Variants in GALNT1 observed in about 807,000 individuals in gnomAD.
GALNT1 encodes GalNAc transferase 1.
Under a neutral mutation model 65.7 loss-of-function variants are expected in GALNT1, and 17 were observed. That is an observed-to-expected ratio of 0.26 (90% CI 0.18 to 0.39). The LOEUF is 0.39. Among genes scored for constraint, GALNT1 ranks in the 10% least tolerant of loss-of-function variants. The probability of loss-of-function intolerance (pLI) is 1.00; values close to 1 mark genes in which losing one functional copy is unlikely to be tolerated. For missense variants in GALNT1, 460 were observed against 672.8 expected (o/e 0.68, Z 3.50); for synonymous variants, 210 against 219.7 (o/e 0.96, Z 0.39).
At chr18:35,670,133 A>C (rs2047612188) in intron 3 of GALNT1, among the ~76,000 whole-genome samples, 1 of 152,070 alleles carries the variant, frequency 6.6e-6, no homozygotes, top group Non-Finnish European at 1.5e-5. Flanking sequence ...TCTACAAAAA[A>C]ATTAAATAAC....
intron 1 of GALNT1, among the ~76,000 whole-genome samples, chr18:35,631,325 G>A (rs1458050065): frequency 2.0e-5 from 3 of 151,972 alleles, no homozygotes; most frequent in Non-Finnish European, 4.4e-5. Context: ...CTGGCAAACC[G>A]AATCCAGCAG....
chr18:35,626,395 A>G (rs1442680467), intron 1 of GALNT1, among the ~76,000 whole-genome samples: 1 of 152,218 alleles, frequency 6.6e-6, no homozygotes, highest in Non-Finnish European at 1.5e-5. Context: ...CAGGTCATAT[A>G]CTAGGTTCTA....
chr18:35,706,267 T>C (rs971420916), intron 11 of GALNT1, among the ~76,000 whole-genome samples: 5 of 152,022 alleles, frequency 3.3e-5, no homozygotes, highest in Non-Finnish European at 7.4e-5. Flanking sequence ...TCCCAGCACT[T>C]TGGGAGGCCG....
chr18:35,587,360 T>C (rs2046389569), intron 1 of GALNT1, among the ~76,000 whole-genome samples: 1 of 152,236 alleles, frequency 6.6e-6, no homozygotes, highest in African/African-American at 2.4e-5. Context: ...TCTTGCCATG[T>C]TGCACTGGCT....
intron 1 of GALNT1, chr18:35,597,150 A>T (rs1449786929): frequency 6.6e-6 from 1 of 152,194 alleles, no homozygotes; most frequent in Non-Finnish European, 1.5e-5. Context: ...CTGTTCTTTC[A>T]TCCTTGAATG....
intron 1 of GALNT1, among the ~76,000 whole-genome samples, chr18:35,644,097 C>T (rs965034193): frequency 1.6e-4 from 25 of 152,166 alleles, no homozygotes; most frequent in African/African-American, 4.6e-4. Context: ...AGTTTATTTA[C>T]ATCATGACTA....
intron 1 of GALNT1, among the ~76,000 whole-genome samples, chr18:35,653,265 A>G (rs542206553): frequency 6.6e-6 from 1 of 152,244 alleles, no homozygotes; most frequent in Admixed American, 6.5e-5. Flanking sequence ...AGAGATGAGC[A>G]TAAATAATAA....
chr18:35,659,697 T>G (rs2047448521), intron 2 of GALNT1, among the ~76,000 whole-genome samples: 1 of 152,196 alleles, frequency 6.6e-6, no homozygotes, highest in Admixed American at 6.5e-5. Flanking sequence ...TAACTTTTCA[T>G]GTACTTATGC....
At chr18:35,600,999 A>G (rs1454064035) in intron 1 of GALNT1, among the ~76,000 whole-genome samples, 4 of 151,998 alleles carry the variant, frequency 2.6e-5, no homozygotes, top group African/African-American at 9.7e-5. Context: ...CTTTTTTGGA[A>G]TAATTTGAGT....
intron 2 of GALNT1, among the ~76,000 whole-genome samples, chr18:35,662,516 T>G (rs2047491856): frequency 6.6e-6 from 1 of 152,162 alleles, no homozygotes; most frequent in South Asian, 2.1e-4. Context: ...GCTGAAACAA[T>G]CACCCTAAAG....
At position 35,683,561 on chromosome 18, in the gene GALNT1, T is replaced by C; in HGVS notation, c.652T>C (p.Trp218Arg). Residue 218 changes from tryptophan to arginine, a missense_variant, in exon 5 of 12, where the codon TGG becomes CGG. By Grantham distance (101) the Trp-to-Arg change is moderately radical. Transcript: ENST00000269195. ...LDAHCECTVGWLEPLLARIKH... is the reference protein window; with the variant it reads ...LDAHCECTVGRLEPLLARIKH... Reference sequence around the variant, plus strand: ...TGCCCATTGTGAGTGTACAGTGGGATGGCTGGAGCCTCTCTTGGCCAGGAT... The same window carrying C: ...TGCCCATTGTGAGTGTACAGTGGGACGGCTGGAGCCTCTCTTGGCCAGGAT... 1 of 1,613,768 alleles carries C rather than the reference T, an allele frequency of 6.2e-7. No homozygotes were observed. Among genetic ancestry groups the C allele is most frequent in the Non-Finnish European group, 8.5e-7 (1 of 1,179,752 alleles).
intron 3 of GALNT1, chr18:35,664,632 T>A (rs778579755): frequency 6.6e-6 from 1 of 152,244 alleles, no homozygotes; most frequent in Non-Finnish European, 1.5e-5. Context: ...TTTCCCAAAA[T>A]GTTTATACCA....
intron 3 of GALNT1, among the ~76,000 whole-genome samples, chr18:35,674,524 T>A (rs1481437570): frequency 1.3e-5 from 2 of 152,186 alleles, no homozygotes; most frequent in African/African-American, 2.4e-5. Flanking sequence ...GCATTGTCCC[T>A]GCAGCACCTT....
intron 3 of GALNT1, among the ~76,000 whole-genome samples, chr18:35,667,680 T>C (rs1210211048): frequency 6.6e-6 from 1 of 152,112 alleles, no homozygotes; most frequent in Non-Finnish European, 1.5e-5. Flanking sequence ...TTCCTTACAG[T>C]TTATTATTTG....
chr18:35,670,866 G>A (rs1357503877), intron 3 of GALNT1, among the ~76,000 whole-genome samples: 1 of 152,178 alleles, frequency 6.6e-6, no homozygotes, highest in Non-Finnish European at 1.5e-5. Context: ...GGAGAAGGAT[G>A]ATCTTCTAAA....
In GALNT1 at chr18:35,677,772, T is replaced by G. The variant is rs374980206; in HGVS notation, c.481+15T>G. On this transcript the variant is annotated intron_variant, in intron 4 of 11. Coordinates refer to ENST00000269195, the MANE Select transcript of GALNT1 (RefSeq NM_020474.4). ...CAGTGAAAGAGGTAAATTTTAAATT[T>G]TAATGCCAATAATTTGCTACACCTT... 1 of 1,576,516 alleles carries G rather than the reference T, an allele frequency of 6.3e-7. No homozygotes were observed. The highest frequency in any genetic ancestry group is 8.7e-7 in the Non-Finnish European group (1 of 1,154,314).
chr18:35,707,333 G>A (rs2048279688), intron 11 of GALNT1, among the ~76,000 whole-genome samples: 1 of 152,180 alleles, frequency 6.6e-6, no homozygotes, highest in Non-Finnish European at 1.5e-5. Context: ...GTTACGGTTA[G>A]ATGCTTGTCA....
At chr18:35,686,976 A>C (rs2047878289) in intron 5 of GALNT1, 40 bp from the exon 6 acceptor site, 1 of 1,574,078 alleles carries the variant, frequency 6.4e-7, no homozygotes, top group African/African-American at 1.4e-5. Context: ...TTAAACAGGA[A>C]TGTTTTGAAA....
At chr18:35,595,127 C>T (rs1598779731) in intron 1 of GALNT1, among the ~76,000 whole-genome samples, 1 of 152,222 alleles carries the variant, frequency 6.6e-6, no homozygotes, top group East Asian at 1.9e-4. Flanking sequence ...AATTCAGATT[C>T]TCCTGTTACA....
Sources: allele counts gnomAD v4.1 joint callset (sites outside exome capture counted in the v4.1 genomes callset), GRCh38; gene constraint gnomAD v4.1.1; transcripts MANE v1.5; gene names NCBI Gene and HGNC (gene_info 2026-07-23, HGNC 2026-07-21).